Variants in STAU2 observed in about 807,000 individuals in gnomAD.
STAU2 encodes the protein staufen double-stranded RNA binding protein 2, also known as double-stranded RNA-binding protein Staufen homolog 2.
A neutral mutation model predicts 65.9 loss-of-function variants in STAU2; 20 were observed. That is an observed-to-expected ratio of 0.30 (90% CI 0.21 to 0.44). The LOEUF (loss-of-function observed/expected upper bound fraction) is 0.44. Among genes scored for constraint, STAU2 ranks in the 20% least tolerant of loss-of-function variants. The probability of loss-of-function intolerance (pLI) is 1.00; values close to 1 mark genes in which losing one functional copy is unlikely to be tolerated. For missense variants in STAU2, 558 were observed against 683.9 expected (o/e 0.82, Z 2.05); for synonymous variants, 232 against 233.9 (o/e 0.99, Z 0.07).
At chr8:73,550,762 A>T in intron 13 of STAU2, 1 of 987,522 alleles carries the variant, frequency 1.0e-6, no homozygotes, top group Non-Finnish European at 1.2e-6. Context: ...GATAACTGGT[A>T]ACAGCTTCTT....
At chr8:73,453,757 C>T (rs1364985962) in intron 13 of STAU2, among the ~76,000 whole-genome samples, 2 of 151,870 alleles carry the variant, frequency 1.3e-5, no homozygotes, top group Non-Finnish European at 2.9e-5. Flanking sequence ...AGAAATTAAA[C>T]TCTGGTAGTA....
At chr8:73,464,550 T>C (rs1819544561) in intron 13 of STAU2, among the ~76,000 whole-genome samples, 1 of 152,074 alleles carries the variant, frequency 6.6e-6, no homozygotes. Context: ...ACAGGCAGCA[T>C]TGGATTTAAA....
intron 13 of STAU2, among the ~76,000 whole-genome samples, chr8:73,530,794 C>T (rs1055166012): frequency 1.3e-5 from 2 of 152,102 alleles, no homozygotes; most frequent in Non-Finnish European, 2.9e-5. Context: ...GGCCTTTGAA[C>T]AGCATGAGAG....
chr8:73,489,109 A>C (rs1016493365), intron 13 of STAU2, among the ~76,000 whole-genome samples: 1 of 151,956 alleles, frequency 6.6e-6, no homozygotes, highest in African/African-American at 2.4e-5. Context: ...ATTAATTTTT[A>C]AAAACGAACA....
At chr8:73,498,155 A>C (rs1821534864) in intron 13 of STAU2, among the ~76,000 whole-genome samples, 1 of 151,822 alleles carries the variant, frequency 6.6e-6, no homozygotes, top group South Asian at 2.1e-4. Flanking sequence ...ATACTACCTT[A>C]TTTCTGGGGG....
intron 13 of STAU2, among the ~76,000 whole-genome samples, chr8:73,515,638 G>C (rs1358312095): frequency 6.6e-6 from 1 of 152,058 alleles, no homozygotes; most frequent in African/African-American, 2.4e-5. Flanking sequence ...AAATTAAGTA[G>C]GTGGAACAAG....
intron 6 of STAU2, among the ~76,000 whole-genome samples, chr8:73,631,485 A>G (rs1814087026): frequency 6.6e-6 from 1 of 152,172 alleles, no homozygotes; most frequent in Non-Finnish European, 1.5e-5. Flanking sequence ...AACCAGTAGA[A>G]ATCAACTAAA....
At chr8:73,717,622 TTTG>T (rs75469180) in intron 3 of STAU2, among the ~76,000 whole-genome samples, 12,293 of 150,068 alleles carry the variant, frequency 0.082, 572 homozygotes, top group African/African-American at 0.12. Flanking sequence ...CTATTTGTCT[TTTG>T]TTGTTGTTGT....
chr8:73,599,220 T>G (rs948016264), intron 10 of STAU2, among the ~76,000 whole-genome samples: 1 of 152,210 alleles, frequency 6.6e-6, no homozygotes, highest in Admixed American at 6.5e-5. Flanking sequence ...GGACACTTAT[T>G]TGTCTGGATA....
chr8:73,630,399 A>T (rs183492601), intron 6 of STAU2, among the ~76,000 whole-genome samples: 1 of 152,346 alleles, frequency 6.6e-6, no homozygotes, highest in Non-Finnish European at 1.5e-5. Flanking sequence ...CAATATTGAT[A>T]TCCAGTCTGA....
chr8:73,535,477 C>T (rs1188326079), intron 13 of STAU2, among the ~76,000 whole-genome samples: 1 of 152,154 alleles, frequency 6.6e-6, no homozygotes, highest in African/African-American at 2.4e-5. Flanking sequence ...CCGTTCTTTG[C>T]TTTTTAGTTT....
rs1408171521 is a variant in STAU2, at chr8:73,595,312, G to T, written c.1030-15C>A. The T allele has an allele frequency of 2.6e-6, 4 of 1,565,610 alleles. No homozygotes were observed. Among genetic ancestry groups the T allele is most frequent in the Non-Finnish European group, 1.7e-6 (2 of 1,162,716 alleles). On this transcript the variant is annotated splice_polypyrimidine_tract_variant and intron_variant, in intron 10 of 14. Transcript: ENST00000524300. ...CCTACCTTCACCTGATAAGATTAAA[G>T]AAATAAATTAAAGAAATACATTTAT...
At chr8:73,490,007 T>C (rs923782381) in intron 13 of STAU2, among the ~76,000 whole-genome samples, 1 of 152,058 alleles carries the variant, frequency 6.6e-6, no homozygotes, top group African/African-American at 2.4e-5. Context: ...TTTAAAAAAA[T>C]TCCACCTACT....
chr8:73,578,822 C>T (rs1809771793), intron 12 of STAU2, among the ~76,000 whole-genome samples: 1 of 152,170 alleles, frequency 6.6e-6, no homozygotes, highest in African/African-American at 2.4e-5. Flanking sequence ...CAATTGGCTC[C>T]AACTGTTTTA....
chr8:73,642,913 A>T lies in STAU2; in HGVS notation c.411-25462T>A, dbSNP rs183292858. Among the ~76,000 whole-genome samples the T allele has an allele frequency of 7.0e-4, 106 of 152,316 alleles. 1 individual carries two copies. The highest frequency in any genetic ancestry group is 2.2e-3 in the African/African-American group (92 of 41,562). On this transcript the variant is annotated intron_variant, in intron 6 of 14. Transcript: ENST00000524300. ...CTGGAGTGAAGTTGGAACAGCAGGGAGCAGCAGGTGGGTTAGAGAAGTAAT... is the reference window on the plus strand; with the variant it reads ...CTGGAGTGAAGTTGGAACAGCAGGGTGCAGCAGGTGGGTTAGAGAAGTAAT...
intron 11 of STAU2, among the ~76,000 whole-genome samples, chr8:73,586,378 C>T (rs1039654522): frequency 6.6e-6 from 1 of 152,244 alleles, no homozygotes; most frequent in Admixed American, 6.5e-5. Context: ...TCCCTATCAA[C>T]TCTTTGACCC....
At chr8:73,670,244 T>TTGTA (rs2130388370) in intron 6 of STAU2, among the ~76,000 whole-genome samples, 1 of 152,302 alleles carries the variant, frequency 6.6e-6, no homozygotes, top group African/African-American at 2.4e-5. Context: ...AAGCCTGCCA[T>TTGTA]TGTATGCATC....
Position 73,617,281 on chromosome 8 carries a change from C to G in STAU2, c.570+11G>C, listed in dbSNP as rs1408049116. 6.2e-7 allele frequency: 1 copy of G among 1,612,518 alleles called. No individual in the cohort carries two copies. Among genetic ancestry groups the G allele is most frequent in the Non-Finnish European group, 8.5e-7 (1 of 1,179,424 alleles). On this transcript the variant is annotated intron_variant, in intron 7 of 14. Transcript: ENST00000524300. ...AGAAAGAACAGACTGTCACATGCAG[C>G]AGCACCACACCTGAGGAGATCTTTC...
chr8:73,660,843 A>C (rs1479405239), intron 6 of STAU2, among the ~76,000 whole-genome samples: 2 of 152,208 alleles, frequency 1.3e-5, no homozygotes, highest in Non-Finnish European at 2.9e-5. Context: ...GCAATAGAGA[A>C]TCAGCCATTC....
Sources: gnomAD v4.1 joint callset for allele counts (sites outside exome capture counted in the v4.1 genomes callset) on GRCh38, gnomAD v4.1.1 for gene constraint, MANE v1.5 for transcripts, NCBI Gene and HGNC (gene_info 2026-07-23, HGNC 2026-07-21) for gene names.